The following LDLRAD4 variants were observed in gnomAD, a reference collection of about 807,000 sequenced individuals.
LDLRAD4 encodes the protein low density lipoprotein receptor class A domain containing 4, also known as low-density lipoprotein receptor class A domain-containing protein 4.
A neutral mutation model predicts 17.0 loss-of-function variants in LDLRAD4; 5 were observed. The observed-to-expected ratio is 0.29, with a 90% CI of 0.15 to 0.62. The LOEUF (loss-of-function observed/expected upper bound fraction) is 0.62, where lower values mean the gene tolerates loss of function less well. Ranked by LOEUF, LDLRAD4 falls within the 20% of genes least tolerant of loss-of-function variation. The pLI is 0.84. For synonymous variants in LDLRAD4, 168 were observed against 171.8 expected (o/e 0.98, Z 0.17); for missense variants, 340 against 424.7 (o/e 0.80, Z 1.75).
At chr18:13,446,007 A>G (rs2091380070) in intron 3 of LDLRAD4, among the ~76,000 whole-genome samples, 1 of 152,216 alleles carries the variant, frequency 6.6e-6, no homozygotes, top group Non-Finnish European at 1.5e-5. Context: ...TTACTGAAAT[A>G]GTGCAGGACA....
At chr18:13,334,873 C>T (rs373918733) in intron 1 of LDLRAD4, among the ~76,000 whole-genome samples, 20 of 152,174 alleles carry the variant, frequency 1.3e-4, no homozygotes, top group Admixed American at 3.9e-4. Flanking sequence ...TTCCCCTCAA[C>T]GATTTCTTTT....
chr18:13,532,913 G>A (rs2147845144), intron 3 of LDLRAD4, among the ~76,000 whole-genome samples: 1 of 152,378 alleles, frequency 6.6e-6, no homozygotes, highest in East Asian at 1.9e-4. Context: ...GGCCGTGGAA[G>A]GAGCCCTTGG....
In LDLRAD4 at chr18:13,408,390, AAAG is replaced by A. The variant is rs200219001; in HGVS notation, c.40+20629_40+20631del. On this transcript the variant is annotated intron_variant, in intron 2 of 5. Transcript: ENST00000359446. ...CCCTGTCTCAAAAAAAAAAAAAAAA[AAAG>A]GTGAGAGAGATAGAGTAGTAGGGTG... 6.3e-3 allele frequency among the ~76,000 whole-genome samples: 929 copies of A among 146,778 alleles called. 20 individuals are homozygous for A. Among genetic ancestry groups the A allele is most frequent in the African/African-American group, 0.017 (698 of 40,470 alleles).
At chr18:13,557,406 G>A (rs143209401) in intron 3 of LDLRAD4, among the ~76,000 whole-genome samples, 6 of 152,002 alleles carry the variant, frequency 3.9e-5, no homozygotes, top group African/African-American at 1.5e-4. Flanking sequence ...TTTAGACAAA[G>A]CCTTTTTTTT....
chr18:13,375,034 C>T (rs2084801706), intron 1 of LDLRAD4, among the ~76,000 whole-genome samples: 1 of 152,202 alleles, frequency 6.6e-6, no homozygotes, highest in African/African-American at 2.4e-5. Flanking sequence ...GCTATCTTTA[C>T]CCGGTTTTTG....
At chr18:13,594,398 T>C (rs1335040826) in intron 3 of LDLRAD4, among the ~76,000 whole-genome samples, 1 of 152,002 alleles carries the variant, frequency 6.6e-6, no homozygotes, top group Non-Finnish European at 1.5e-5. Context: ...AATGCTGAAA[T>C]ACTAGTGAGG....
intron 1 of LDLRAD4, among the ~76,000 whole-genome samples, chr18:13,325,189 T>C (rs755189164): frequency 2.6e-5 from 4 of 152,184 alleles, no homozygotes; most frequent in Non-Finnish European, 5.9e-5. Context: ...AAAAGGAAAG[T>C]CAGCTTTTTG....
chr18:13,624,599 T>G (rs1455531026), intron 4 of LDLRAD4, among the ~76,000 whole-genome samples: 1 of 151,668 alleles, frequency 6.6e-6, no homozygotes, highest in Non-Finnish European at 1.5e-5. Flanking sequence ...CTGTAGGAGG[T>G]GTTTGGGGCA....
chr18:13,340,375 C>T (rs2082311497), intron 1 of LDLRAD4, among the ~76,000 whole-genome samples: 1 of 152,196 alleles, frequency 6.6e-6, no homozygotes, highest in African/African-American at 2.4e-5. Context: ...CACCATTTTA[C>T]ATTCCTACTA....
chr18:13,503,640 G>GC (rs1172039372), intron 3 of LDLRAD4, among the ~76,000 whole-genome samples: 2 of 152,148 alleles, frequency 1.3e-5, no homozygotes, highest in Non-Finnish European at 1.5e-5. Context: ...GGCGGGATGT[G>GC]CCAGAGGGGA....
At chr18:13,583,818 G>A (rs2094899307) in intron 3 of LDLRAD4, among the ~76,000 whole-genome samples, 1 of 152,142 alleles carries the variant, frequency 6.6e-6, no homozygotes, top group Non-Finnish European at 1.5e-5. Context: ...CTCTCGCTTT[G>A]CCTTTCACAG....
At chr18:13,228,811 A>C (rs559759374) in intron 1 of LDLRAD4, among the ~76,000 whole-genome samples, 2 of 152,302 alleles carry the variant, frequency 1.3e-5, no homozygotes, top group Non-Finnish European at 2.9e-5. Context: ...GCATTTTTTC[A>C]TCTGAAGAGT....
intron 1 of LDLRAD4, among the ~76,000 whole-genome samples, chr18:13,314,156 C>T (rs552407177): frequency 4.3e-4 from 65 of 152,108 alleles, no homozygotes; most frequent in African/African-American, 1.5e-3. Context: ...CAGTGGGGCC[C>T]GAGGGGAGAT....
chr18:13,461,736 A>G (rs1432883932), intron 3 of LDLRAD4, among the ~76,000 whole-genome samples: 1 of 152,164 alleles, frequency 6.6e-6, no homozygotes, highest in East Asian at 1.9e-4. Context: ...GCTGAAGCAA[A>G]GTTACAAAGT....
chr18:13,308,970 G>A (rs1193694914), intron 1 of LDLRAD4, among the ~76,000 whole-genome samples: 1 of 152,134 alleles, frequency 6.6e-6, no homozygotes, highest in African/African-American at 2.4e-5. Flanking sequence ...AGTTATGTTT[G>A]CTTTTGGTTT....
chr18:13,568,184 C>T (rs911354703), intron 3 of LDLRAD4, among the ~76,000 whole-genome samples: 1 of 151,976 alleles, frequency 6.6e-6, no homozygotes, highest in African/African-American at 2.4e-5. Flanking sequence ...GTCCCAGCTA[C>T]TCAGGAGGCT....
chr18:13,618,204 C>T lies in LDLRAD4; in HGVS notation c.182-2913C>T, dbSNP rs149170305. Reference sequence around the variant, plus strand: ...GATGTATTAAGTGAAAAGACACAAACAAGATATTTGCACATCGATTCCAAT... The same window carrying T: ...GATGTATTAAGTGAAAAGACACAAATAAGATATTTGCACATCGATTCCAAT... On this transcript the variant is annotated intron_variant, in intron 3 of 5. Coordinates refer to ENST00000359446, the Ensembl canonical transcript of LDLRAD4. 4.8e-3 allele frequency among the ~76,000 whole-genome samples: 735 copies of T among 152,298 alleles called. 2 individuals carry two copies. Among genetic ancestry groups the T allele is most frequent in the Non-Finnish European group, 6.4e-3 (433 of 68,034 alleles).
chr18:13,650,246 TTGCTGCTGC>T (rs3842394), exon 6 of LDLRAD4: 4 of 402,156 alleles, frequency 9.9e-6, no homozygotes, highest in African/African-American at 6.2e-5. Flanking sequence ...AGACAGTCAT[TTGCTGCTGC>T]TGCTGCTGCT....
At chr18:13,547,587 G>A (rs527526500) in intron 3 of LDLRAD4, among the ~76,000 whole-genome samples, 1 of 152,344 alleles carries the variant, frequency 6.6e-6, no homozygotes, top group East Asian at 1.9e-4. Flanking sequence ...GGGTGCATGA[G>A]TGAGTGAGCG....
Sources: allele counts gnomAD v4.1 joint callset (sites outside exome capture counted in the v4.1 genomes callset), GRCh38; gene constraint gnomAD v4.1.1; transcripts MANE v1.5; gene names NCBI Gene and HGNC (gene_info 2026-07-23, HGNC 2026-07-21).